The following CACNA2D2 variants were observed in gnomAD, a reference collection of about 807,000 sequenced individuals.
The protein encoded by CACNA2D2 is calcium voltage-gated channel auxiliary subunit alpha2delta 2.
CACNA2D2 carries 48 observed loss-of-function variants against 166.4 expected under a neutral mutation model. The observed-to-expected ratio is 0.29, with a 90% CI of 0.23 to 0.37. CACNA2D2 has a LOEUF of 0.37. Ranked by LOEUF, CACNA2D2 falls within the 10% of genes least tolerant of loss-of-function variation. The pLI is 1.00. For synonymous variants in CACNA2D2, 561 were observed against 573.7 expected (o/e 0.98, Z 0.32); for missense variants, 1,122 against 1,433.0 (o/e 0.78, Z 3.50).
chr3:50,363,429 AGAAT>A lies in CACNA2D2; in HGVS notation c.*1233_*1236del, dbSNP rs1704034735. ...TGGGATGCCTTTGGGGGAAATGACC[AGAAT>A]GAATGGTGTGAAGAGCTGTGCCCAG... On this transcript the variant is annotated 3_prime_UTR_variant, in exon 38 of 38. Coordinates refer to ENST00000424201, the MANE Select transcript of CACNA2D2 (RefSeq NM_006030.4). 2.5e-6 allele frequency: 1 copy of A among 396,786 alleles called. No individual in the cohort carries two copies. Among genetic ancestry groups the A allele is most frequent in the Non-Finnish European group, 4.4e-6 (1 of 225,620 alleles). 24.6% of individuals were successfully genotyped at this position (396,786 alleles called of 1,614,324 possible).
intron 1 of CACNA2D2, among the ~76,000 whole-genome samples, chr3:50,500,191 G>A (rs1461239411): frequency 1.3e-5 from 2 of 151,908 alleles, no homozygotes; most frequent in Non-Finnish European, 2.9e-5. Flanking sequence ...AGAGGAGCAC[G>A]TACTCTGGTT....
At chr3:50,471,268 C>T (rs569556766) in intron 2 of CACNA2D2, among the ~76,000 whole-genome samples, 2 of 152,170 alleles carry the variant, frequency 1.3e-5, no homozygotes, top group South Asian at 2.1e-4. Context: ...ACCTGACTCT[C>T]GGTGCGTCAG....
At chr3:50,475,754 A>G (rs1295435859) in intron 2 of CACNA2D2, among the ~76,000 whole-genome samples, 1 of 152,012 alleles carries the variant, frequency 6.6e-6, no homozygotes, top group African/African-American at 2.4e-5. Context: ...TGTTTCCTGG[A>G]TCCCTTCAGC....
chr3:50,407,126 G>C (rs926461256), intron 3 of CACNA2D2, among the ~76,000 whole-genome samples: 1 of 151,732 alleles, frequency 6.6e-6, no homozygotes, highest in African/African-American at 2.4e-5. Context: ...CACAGGCAGG[G>C]TCTGCCTTGA....
In CACNA2D2 at chr3:50,454,235, C is replaced by T. The variant is rs146560821; in HGVS notation, c.289-19806G>A. Among the ~76,000 whole-genome samples the T allele has an allele frequency of 2.2e-3, 331 of 152,292 alleles. 1 individual carries two copies. The highest frequency in any genetic ancestry group is 7.7e-3 in the African/African-American group (320 of 41,552). ...GAGCACTGGGGAGGGGGCTAGGAAC[C>T]GAGTCCAGGAGGCCTCAGGAAAAGA... is the stretch of plus-strand genomic sequence containing the variant. On this transcript the variant is annotated intron_variant, in intron 2 of 37. Transcript: ENST00000424201.
rs1698324470 is a variant in CACNA2D2 at position 50,487,220 on chromosome 3, T to C, written c.207-11021A>G. On this transcript the variant is annotated intron_variant, in intron 1 of 37. Transcript: ENST00000424201. ...GGGACTCCAATGGCCAAATAGGAAG[T>C]AGGTTGCAGGTAAGAGCCGCCCCTC... Among the ~76,000 whole-genome samples, 3 of 152,178 alleles carry C rather than the reference T, an allele frequency of 2.0e-5. No individual in the cohort carries two copies. The South Asian group carries it at 6.2e-4, about 32-fold the overall frequency.
chr3:50,457,875 G>A (rs915482275), intron 2 of CACNA2D2, among the ~76,000 whole-genome samples: 5 of 152,168 alleles, frequency 3.3e-5, no homozygotes, highest in Non-Finnish European at 1.5e-5. Context: ...GGGGACTGAG[G>A]AGGGCAGCCC....
intron 1 of CACNA2D2, among the ~76,000 whole-genome samples, chr3:50,479,481 T>C (rs1697949490): frequency 6.6e-6 from 1 of 152,240 alleles, no homozygotes; most frequent in Non-Finnish European, 1.5e-5. Context: ...AATAATTCAT[T>C]CCATTGTCAC....
chr3:50,462,193 A>C (rs767458125), intron 2 of CACNA2D2, among the ~76,000 whole-genome samples: 2 of 152,100 alleles, frequency 1.3e-5, no homozygotes, highest in African/African-American at 2.4e-5. Context: ...GTTTGAGACC[A>C]GCCTGGCCAA....
chr3:50,448,133 A>G (rs1364921605), intron 2 of CACNA2D2, among the ~76,000 whole-genome samples: 9 of 152,122 alleles, frequency 5.9e-5, no homozygotes, highest in Non-Finnish European at 1.0e-4. Context: ...CTAGGTGGCA[A>G]CCATGTGGCT....
At chr3:50,484,267 C>T (rs529009947) in intron 1 of CACNA2D2, among the ~76,000 whole-genome samples, 1 of 152,296 alleles carries the variant, frequency 6.6e-6, no homozygotes, top group East Asian at 1.9e-4. Context: ...CCGACTGCCT[C>T]CTTGGCCGGG....
At chr3:50,455,881 G>C (rs535055437) in intron 2 of CACNA2D2, among the ~76,000 whole-genome samples, 1 of 152,280 alleles carries the variant, frequency 6.6e-6, no homozygotes, top group South Asian at 2.1e-4. Context: ...ACAGACACTT[G>C]GGCCCACATG....
In CACNA2D2 at chr3:50,379,839, C is replaced by A; in HGVS notation, c.894-15G>T. The A allele has an allele frequency of 6.2e-7, 1 of 1,613,712 alleles. No individual in the cohort carries two copies. The highest frequency in any genetic ancestry group is 8.5e-7 in the Non-Finnish European group (1 of 1,179,848). On this transcript the variant is annotated splice_polypyrimidine_tract_variant and intron_variant, in intron 9 of 37. Transcript: ENST00000424201. This position sits in a 1 kb window ranked among gnomAD's most constrained non-coding sequence, Gnocchi z 6.5. ...CACTGCCACTCCTGGAGAGGTCAGG[C>A]AGGGGACGTGGAGGAGCCAGGGGAA...
At chr3:50,442,793 G>A (rs1218180044) in intron 2 of CACNA2D2, among the ~76,000 whole-genome samples, 1 of 152,176 alleles carries the variant, frequency 6.6e-6, no homozygotes, top group Admixed American at 6.5e-5. Context: ...GTAGAGGGAG[G>A]AGGGCATGGA....
intron 3 of CACNA2D2, among the ~76,000 whole-genome samples, chr3:50,412,059 A>C (rs1707044975): frequency 6.6e-6 from 1 of 152,254 alleles, no homozygotes; most frequent in South Asian, 2.1e-4. Context: ...GACTTCCAGG[A>C]GGCTCAGGGT....
intron 2 of CACNA2D2, among the ~76,000 whole-genome samples, chr3:50,435,561 A>T (rs1708278936): frequency 6.7e-6 from 1 of 149,472 alleles, no homozygotes; most frequent in African/African-American, 2.5e-5. Flanking sequence ...AGCCGATGAA[A>T]GACAGACAAG....
In CACNA2D2 at chr3:50,376,367, G is replaced by T. The variant is rs587720135; in HGVS notation, c.1627-179C>A. Among the ~76,000 whole-genome samples, 1 of 152,094 alleles carries T rather than the reference G, an allele frequency of 6.6e-6. No homozygotes were observed. Among genetic ancestry groups the T allele is most frequent in the African/African-American group, 2.4e-5 (1 of 41,402 alleles). ...TGTCTCTCCAGCCAGGCCCGCAGGC[G>T]GGTTGCCCCTTGTGCACCAGCCCTT... On this transcript the variant is annotated intron_variant, in intron 17 of 37. Coordinates refer to ENST00000424201, the MANE Select transcript of CACNA2D2 (RefSeq NM_006030.4). This position sits in a 1 kb window ranked among gnomAD's most constrained non-coding sequence, Gnocchi z 4.3.
intron 3 of CACNA2D2, among the ~76,000 whole-genome samples, chr3:50,400,625 G>A (rs1706401194): frequency 6.6e-6 from 1 of 152,250 alleles, no homozygotes; most frequent in Admixed American, 6.5e-5. Context: ...GGCCGAGCAG[G>A]GTCCGTGACT....
At chr3:50,436,320 T>C (rs1442069135) in intron 2 of CACNA2D2, among the ~76,000 whole-genome samples, 1 of 152,218 alleles carries the variant, frequency 6.6e-6, no homozygotes, top group Admixed American at 6.5e-5. Context: ...TCAAGGTCAT[T>C]ACCAGGTGCA....
Sources: allele counts gnomAD v4.1 joint callset (sites outside exome capture counted in the v4.1 genomes callset), GRCh38; gene constraint gnomAD v4.1.1; non-coding constraint Gnocchi (gnomAD v3.1); transcripts MANE v1.5; gene names NCBI Gene and HGNC (gene_info 2026-07-23, HGNC 2026-07-21).